EAF2: variants seen among roughly 807,000 people sequenced by gnomAD.
The protein encoded by EAF2 is ELL-associated factor 2.
In EAF2, 29 loss-of-function variants were observed where a neutral mutation model predicts 29.4. The ratio of observed to expected loss-of-function variants is 0.99; its 90% CI spans 0.73 to 1.35. The LOEUF (loss-of-function observed/expected upper bound fraction) is 1.35, where lower values mean the gene tolerates loss of function less well. EAF2 is among the 40% of genes most tolerant of loss of function. The pLI is 0.00. For missense variants in EAF2, 292 were observed against 312.0 expected (o/e 0.94, Z 0.48); for synonymous variants, 103 against 102.5 (o/e 1.00, Z -0.03).
intron 4 of EAF2, among the ~76,000 whole-genome samples, chr3:121,857,868 G>A (rs539175301): frequency 2.0e-5 from 3 of 152,132 alleles, no homozygotes; most frequent in Admixed American, 1.3e-4. Context: ...GACACCCTGT[G>A]TCCAAGTGTT....
chr3:121,852,431 C>T (rs1005671463), intron 2 of EAF2, among the ~76,000 whole-genome samples: 1 of 152,164 alleles, frequency 6.6e-6, no homozygotes, highest in Non-Finnish European at 1.5e-5. Context: ...CTTACCAGGG[C>T]TTCAACTAAG....
chr3:121,862,511 T>G (rs1042849336), intron 4 of EAF2, among the ~76,000 whole-genome samples: 1 of 152,368 alleles, frequency 6.6e-6, no homozygotes, highest in East Asian at 1.9e-4. Context: ...GCCACGGTTT[T>G]CAGCTCCATC....
rs538707853 is a variant in EAF2 at position 121,854,382 on chromosome 3, A to G, written c.202-305A>G. On this transcript the variant is annotated intron_variant, in intron 2 of 5. Transcript: ENST00000273668. Reference sequence around the variant, plus strand: ...AAGGCTCTGTTTCCTTATCCATAAAATATATTGGTTGTGTTCGAATTGAAT... The same window carrying G: ...AAGGCTCTGTTTCCTTATCCATAAAGTATATTGGTTGTGTTCGAATTGAAT... Among the ~76,000 whole-genome samples, 6 of 152,138 alleles carry G rather than the reference A, an allele frequency of 3.9e-5. No homozygotes were observed. The South Asian group carries it at 1.2e-3, about 32-fold the overall frequency.
At chr3:121,863,001 C>T (rs1708860472) in intron 4 of EAF2, among the ~76,000 whole-genome samples, 1 of 152,184 alleles carries the variant, frequency 6.6e-6, no homozygotes, top group Admixed American at 6.5e-5. Context: ...GCGGAGGCTG[C>T]AGAGTAGCAA....
At chr3:121,870,566 A>C (rs548254791) in intron 4 of EAF2, among the ~76,000 whole-genome samples, 27 of 152,280 alleles carry the variant, frequency 1.8e-4, no homozygotes, top group African/African-American at 5.1e-4. Flanking sequence ...AGAGATCTAG[A>C]ATCTTCTCAA....
At chr3:121,860,841 A>T (rs888268103) in intron 4 of EAF2, among the ~76,000 whole-genome samples, 2 of 152,122 alleles carry the variant, frequency 1.3e-5, no homozygotes, top group African/African-American at 4.8e-5. Flanking sequence ...CACTGCTTTA[A>T]ATGTGTCCCA....
chr3:121,856,609 G>C (rs1708723058), intron 3 of EAF2, among the ~76,000 whole-genome samples: 1 of 152,022 alleles, frequency 6.6e-6, no homozygotes, highest in African/African-American at 2.4e-5. Flanking sequence ...CTCCTAAATA[G>C]CTGAGATTAC....
chr3:121,835,438 G>A (rs910272981), intron 1 of EAF2, 47 bp downstream of exon 1: 1 of 1,536,186 alleles, frequency 6.5e-7, no homozygotes, highest in Non-Finnish European at 9.0e-7. Flanking sequence ...CCCGGGATGG[G>A]GGTGAAGAGG....
At chr3:121,856,677 C>T (rs906682486) in intron 3 of EAF2, among the ~76,000 whole-genome samples, 2 of 152,062 alleles carry the variant, frequency 1.3e-5, no homozygotes, top group Admixed American at 6.5e-5. Context: ...GACAGGGTCT[C>T]GTTATGTTGA....
chr3:121,852,170 A>T (rs1206097047), intron 2 of EAF2, among the ~76,000 whole-genome samples: 1 of 152,192 alleles, frequency 6.6e-6, no homozygotes, highest in African/African-American at 2.4e-5. Context: ...TTAAAAATTA[A>T]TGATTAGTTC....
chr3:121,850,556 C>T (rs1708613531), intron 2 of EAF2, among the ~76,000 whole-genome samples: 1 of 151,734 alleles, frequency 6.6e-6, no homozygotes, highest in East Asian at 1.9e-4. Context: ...TTTTCTCCTC[C>T]CTTCCACTTC....
At chr3:121,869,018 A>G (rs954436852) in intron 4 of EAF2, among the ~76,000 whole-genome samples, 2 of 152,252 alleles carry the variant, frequency 1.3e-5, no homozygotes, top group Non-Finnish European at 2.9e-5. Flanking sequence ...CATGCAGACT[A>G]TGTATCTGAC....
In EAF2 at chr3:121,872,736, T is replaced by A. The variant is rs541758349; in HGVS notation, c.684T>A (p.Asp228Glu). The A allele has an allele frequency of 1.4e-5, 22 of 1,612,518 alleles. No homozygotes were observed. The highest frequency in any genetic ancestry group is 1.7e-5 in the Non-Finnish European group (20 of 1,179,018). The change falls in exon 5 of 6, where the codon GAT becomes GAA. Residue 228 changes from aspartate to glutamate, a missense_variant. Asp to Glu is a conservative substitution (Grantham distance 45). Coordinates refer to ENST00000273668, the MANE Select transcript of EAF2 (RefSeq NM_018456.6). ...CACAGTACAGGATTCCTGATATAGA[T>A]GCCAGTCATAATAGATTTCGAGACA... The part of the protein sequence containing the change: ...TMTQYRIPDI[D>E]ASHNRFRDNS...
intron 4 of EAF2, among the ~76,000 whole-genome samples, chr3:121,865,290 A>AT (rs1708904152): frequency 2.7e-5 from 4 of 147,694 alleles, no homozygotes; most frequent in Non-Finnish European, 4.5e-5. Context: ...AAAGTTGTAG[A>AT]GGTTAACACA....
chr3:121,873,027 C>T (rs1273127976), intron 5 of EAF2: 3 of 731,494 alleles, frequency 4.1e-6, no homozygotes, highest in Admixed American at 2.0e-5. Flanking sequence ...TTTATATGAT[C>T]CTCTGCTCAG....
intron 1 of EAF2, among the ~76,000 whole-genome samples, chr3:121,839,338 A>G (rs1044973134): frequency 1.3e-5 from 2 of 152,132 alleles, no homozygotes; most frequent in African/African-American, 2.4e-5. Context: ...CCGTGTGACT[A>G]TGATTCCCAC....
At chr3:121,850,058 A>G (rs1708602918) in intron 2 of EAF2, among the ~76,000 whole-genome samples, 1 of 150,640 alleles carries the variant, frequency 6.6e-6, no homozygotes, top group African/African-American at 2.4e-5. Flanking sequence ...TTGTGTATTC[A>G]TAGAATCTTA....
At chr3:121,874,591 A>G (rs1025499708) in intron 5 of EAF2, among the ~76,000 whole-genome samples, 2 of 151,924 alleles carry the variant, frequency 1.3e-5, no homozygotes, top group African/African-American at 2.4e-5. Context: ...ACTTTCTTGT[A>G]ACTTCAGTTT....
chr3:121,849,150 A>G (rs995291563), intron 2 of EAF2, among the ~76,000 whole-genome samples: 3 of 152,138 alleles, frequency 2.0e-5, no homozygotes, highest in African/African-American at 7.2e-5. Context: ...AGATTCTTCT[A>G]TTGTTTATAT....
Sources: allele counts gnomAD v4.1 joint callset (sites outside exome capture counted in the v4.1 genomes callset), GRCh38; gene constraint gnomAD v4.1.1; transcripts MANE v1.5; gene names NCBI Gene and HGNC (gene_info 2026-07-23, HGNC 2026-07-21).